ANKHD1: variants seen among roughly 807,000 people sequenced by gnomAD.
ANKHD1 encodes ankyrin repeat and KH domain containing 1.
A neutral mutation model predicts 230.5 loss-of-function variants in ANKHD1; 31 were observed. The observed-to-expected ratio is 0.13, with a 90% confidence interval of 0.10 to 0.18. ANKHD1 has a LOEUF of 0.18. Ranked by LOEUF, ANKHD1 falls within the 10% of genes least tolerant of loss-of-function variation. The pLI is 1.00. For synonymous variants in ANKHD1, 1,074 were observed against 1,117.6 expected (o/e 0.96, Z 0.78); for missense variants, 2,256 against 3,071.3 (o/e 0.73, Z 6.27).
At chr5:140,459,079 A>G in intron 8 of ANKHD1, 85 bp from the exon 9 acceptor site, 2 of 1,241,202 alleles carry the variant, frequency 1.6e-6, no homozygotes, top group Non-Finnish European at 2.1e-6. Flanking sequence ...CAGAGAAGAC[A>G]GAGATGATTA....
At chr5:140,434,216 T>A (rs145122699) in intron 1 of ANKHD1, among the ~76,000 whole-genome samples, 4 of 152,248 alleles carry the variant, frequency 2.6e-5, no homozygotes, top group East Asian at 1.9e-4. Context: ...TCCTTTTTTT[T>A]ATAAATGTGT....
chr5:140,537,727 A>G (rs1483444516), intron 31 of ANKHD1, 138 bp downstream of exon 31: 3 of 1,349,470 alleles, frequency 2.2e-6, no homozygotes, highest in Admixed American at 3.4e-5. Flanking sequence ...AAGGGTGTTT[A>G]TATCTTTGAG....
rs554236152 is a variant in ANKHD1, at chr5:140,515,107, G to A, written c.4317+1628G>A. Among the ~76,000 whole-genome samples, 40 of 152,040 alleles carry A rather than the reference G, an allele frequency of 2.6e-4. No homozygotes were observed. In the South Asian group the frequency reaches 6.9e-3, roughly 26 times the overall value. On this transcript the variant is annotated intron_variant, in intron 24 of 33. Transcript: ENST00000360839. ...AGCCTGGCCGACATGGAGAAACCCC[G>A]TCTCTGCTAAAAATACAAATATTAG... is the stretch of plus-strand genomic sequence containing the variant.
intron 29 of ANKHD1, among the ~76,000 whole-genome samples, chr5:140,533,172 G>A (rs1189276511): frequency 6.6e-6 from 1 of 152,046 alleles, no homozygotes; most frequent in African/African-American, 2.4e-5. Flanking sequence ...CAGTGGCCAG[G>A]TGTGGTGGCT....
intron 16 of ANKHD1, 68 bp downstream of exon 16, chr5:140,505,034 T>G: frequency 6.2e-7 from 1 of 1,602,356 alleles, no homozygotes; most frequent in Non-Finnish European, 8.5e-7. Flanking sequence ...AAAATTATTC[T>G]GCATTTATTG....
intron 1 of ANKHD1, among the ~76,000 whole-genome samples, chr5:140,433,815 AT>A (rs1480638282): frequency 6.6e-6 from 1 of 152,082 alleles, no homozygotes; most frequent in Non-Finnish European, 1.5e-5. Flanking sequence ...TAATTTTATA[AT>A]TTTTCCACTG....
At chr5:140,476,516 A>G (rs781480384) in intron 10 of ANKHD1, among the ~76,000 whole-genome samples, 28 of 152,170 alleles carry the variant, frequency 1.8e-4, no homozygotes, top group Admixed American at 3.9e-4. Context: ...TCTCATCAGC[A>G]ATAATAAATT....
rs981326578 is a variant in ANKHD1 at position 140,510,300 on chromosome 5, C to G, written c.4104+119C>G. 30 of 639,868 alleles carry G rather than the reference C, an allele frequency of 4.7e-5. No homozygotes were observed. In the Admixed American group the frequency reaches 4.7e-4, roughly 10 times the overall value. 39.6% of individuals were successfully genotyped at this position (639,868 alleles called of 1,614,324 possible). ...ATTTCCATAGAAAAATCACTGCTAT[C>G]TTTCCATTCTTTTTTTTTTTTTTTT... On this transcript the variant is annotated intron_variant, in intron 22 of 33. Transcript: ENST00000360839.
rs755012721 is a variant in ANKHD1, at chr5:140,445,851, C to G, written c.1023C>G (p.Pro341=). The G allele has an allele frequency of 6.2e-7, 1 of 1,613,810 alleles. No homozygotes were observed. Among genetic ancestry groups the G allele is most frequent in the East Asian group, 2.2e-5 (1 of 44,846 alleles). The change falls in exon 6 of 34, where the codon CCC becomes CCG. Residue 341 remains proline (P), a synonymous_variant. Transcript: ENST00000360839. ...ATCATAATGAAAATGGACATACTCCCTTAATGGAAGCAGCCAGTGCAGGTC... is the reference window on the plus strand; with the variant it reads ...ATCATAATGAAAATGGACATACTCCGTTAATGGAAGCAGCCAGTGCAGGTC... ...IEDHNENGHT[P]LMEAASAGHV... is the part of the protein sequence containing the mutation.
Position 140,526,305 on chromosome 5 carries a change from G to GCAA in ANKHD1, c.4805_4807dup (p.Asn1602dup). 1 of 1,614,212 alleles carries GCAA rather than the reference G, an allele frequency of 6.2e-7. No homozygotes were observed. The highest frequency in any genetic ancestry group is 8.5e-7 in the Non-Finnish European group (1 of 1,180,048). ...TCAGATAACTTGGACAGCACAGACT[G>GCAA]CAACAGTGAGAGTAGCAGTGGTGGT... On this transcript the variant is annotated inframe_insertion, in exon 26 of 34. Transcript: ENST00000360839.
Position 140,496,869 on chromosome 5 carries a change from C to G in ANKHD1, c.2595C>G (p.Asp865Glu), listed in dbSNP as rs373176744. Residue 865 changes from aspartate to glutamate, a missense_variant, in exon 15 of 34, where the codon GAC (aspartate) becomes GAG (glutamate). This residue lies in a region of ANKHD1 where 358 missense variants were observed against 397.7 expected (regional missense o/e 0.90). Transcript: ENST00000360839. ...KEYLETKGQK[D>E]TVSLHQQCSH... ...ACTTGGAAACCAAAGGTCAGAAAGA[C>G]ACAGTGTCTCTACACCAACAGTGCT... 6.2e-7 allele frequency: 1 copy of G among 1,614,058 alleles called. No homozygotes were observed. The highest frequency in any genetic ancestry group is 8.5e-7 in the Non-Finnish European group (1 of 1,180,030).
intron 7 of ANKHD1, among the ~76,000 whole-genome samples, chr5:140,456,079 G>A (rs1264551001): frequency 6.6e-6 from 1 of 151,762 alleles, no homozygotes; most frequent in Non-Finnish European, 1.5e-5. Context: ...AACAGACAGA[G>A]AGCCAAATCA....
intron 15 of ANKHD1, among the ~76,000 whole-genome samples, chr5:140,500,948 A>G (rs1217800446): frequency 1.3e-5 from 2 of 152,104 alleles, no homozygotes; most frequent in Non-Finnish European, 2.9e-5. Flanking sequence ...ACAGGCTCTT[A>G]AATTGTAATT....
intron 14 of ANKHD1, 77 bp from the exon 15 acceptor site, chr5:140,496,443 C>CTTT (rs368980981): frequency 5.8e-5 from 42 of 721,134 alleles, no homozygotes; most frequent in East Asian, 2.8e-4. Flanking sequence ...GGCTGGTTTT[C>CTTT]TTTTTTTTTT....
chr5:140,437,315 A>G (rs1006203465), intron 2 of ANKHD1, among the ~76,000 whole-genome samples: 6 of 152,226 alleles, frequency 3.9e-5, no homozygotes, highest in Non-Finnish European at 8.8e-5. Flanking sequence ...TTATAGCCTT[A>G]TATATCTGTA....
chr5:140,536,086 TATTG>T (rs199726164), intron 30 of ANKHD1, among the ~76,000 whole-genome samples: 99 of 152,192 alleles, frequency 6.5e-4, no homozygotes, highest in African/African-American at 1.8e-3. Flanking sequence ...TCCTTTGTTC[TATTG>T]ATTGATTGAT....
At position 140,464,648 on chromosome 5, in the gene ANKHD1, A is replaced by T; in HGVS notation, c.1673-19A>T. 6.6e-7 allele frequency: 1 copy of T among 1,524,206 alleles called. No homozygotes were observed. Among genetic ancestry groups the T allele is most frequent in the Non-Finnish European group, 8.9e-7 (1 of 1,123,770 alleles). 94.4% of individuals were successfully genotyped at this position (1,524,206 alleles called of 1,614,324 possible). A position where few individuals can be genotyped will look rare whatever the true frequency, so the allele number is the denominator to read the frequency against. On this transcript the variant is annotated intron_variant, in intron 9 of 33. Transcript: ENST00000360839. ...ATTTTACAGTTCACAAAGTAAATGTATGCTTTTTTGTTTGCTAGGCGCTAA... is the reference window on the plus strand; with the variant it reads ...ATTTTACAGTTCACAAAGTAAATGTTTGCTTTTTTGTTTGCTAGGCGCTAA...
At chr5:140,460,937 C>T (rs1448087076) in intron 9 of ANKHD1, among the ~76,000 whole-genome samples, 1 of 152,142 alleles carries the variant, frequency 6.6e-6, no homozygotes, top group Non-Finnish European at 1.5e-5. Context: ...TATATTCAGT[C>T]ATTTTTCCCC....
intron 1 of ANKHD1, among the ~76,000 whole-genome samples, chr5:140,435,591 A>G (rs1581242347): frequency 6.6e-6 from 1 of 151,884 alleles, no homozygotes; most frequent in South Asian, 2.1e-4. Flanking sequence ...GTTGGCCAGG[A>G]TGGTCTCAAA....
Sources: allele counts gnomAD v4.1 joint callset (sites outside exome capture counted in the v4.1 genomes callset), GRCh38; gene constraint gnomAD v4.1.1; regional missense constraint gnomAD v4.1.1; transcripts MANE v1.5; gene names NCBI Gene and HGNC (gene_info 2026-07-23, HGNC 2026-07-21).